The following NRXN3 variants were observed in gnomAD, a reference collection of about 807,000 sequenced individuals.
The protein encoded by NRXN3 is neurexin 3, also known as neurexin III.
A neutral mutation model predicts 137.6 loss-of-function variants in NRXN3; 32 were observed. The observed-to-expected ratio is 0.23, with a 90% CI of 0.18 to 0.31. The LOEUF (loss-of-function observed/expected upper bound fraction) is 0.31. Ranked by LOEUF, NRXN3 falls within the 10% of genes least tolerant of loss-of-function variation. The pLI is 1.00. For synonymous variants in NRXN3, 798 were observed against 784.5 expected, an observed-to-expected ratio of 1.02 and a Z score of -0.29; for missense variants, 1,574 against 2,062.5, an observed-to-expected ratio of 0.76 and a Z score of 4.59.
At chr14:79,794,482 A>G (rs75625799) in intron 19 of NRXN3, among the ~76,000 whole-genome samples, 2,796 of 152,230 alleles carry the variant, frequency 0.018, 45 homozygotes, top group Middle Eastern at 0.054. Flanking sequence ...GTTGATACAG[A>G]GACTTAAGAA....
intron 2 of NRXN3, among the ~76,000 whole-genome samples, chr14:78,252,149 G>A (rs965764236): frequency 6.6e-6 from 1 of 150,908 alleles, no homozygotes; most frequent in African/African-American, 2.4e-5. Flanking sequence ...ATTTTCCAAA[G>A]TTTTTTTCTT....
intron 17 of NRXN3, among the ~76,000 whole-genome samples, chr14:79,669,749 T>C (rs573867215): frequency 2.1e-4 from 32 of 152,144 alleles, no homozygotes; most frequent in Admixed American, 1.2e-3. Flanking sequence ...CAGCTTCCCC[T>C]GGGAGCTTGT....
chr14:79,251,141 G>A (rs908801193), intron 15 of NRXN3, among the ~76,000 whole-genome samples: 1 of 152,146 alleles, frequency 6.6e-6, no homozygotes. Flanking sequence ...TGTGAAATAA[G>A]TAGCCACTGA....
intron 16 of NRXN3, among the ~76,000 whole-genome samples, chr14:79,653,050 A>T (rs1201374262): frequency 6.6e-6 from 1 of 152,022 alleles, no homozygotes; most frequent in Admixed American, 6.6e-5. Context: ...CAGGACACAC[A>T]CACACACACC....
chr14:79,489,653 A>C (rs2096693541), intron 16 of NRXN3, among the ~76,000 whole-genome samples: 1 of 152,172 alleles, frequency 6.6e-6, no homozygotes, highest in African/African-American at 2.4e-5. Context: ...CACAAATGTG[A>C]ACATCTATGG....
chr14:78,227,662 G>A (rs2064855515), intron 1 of NRXN3, among the ~76,000 whole-genome samples: 1 of 152,192 alleles, frequency 6.6e-6, no homozygotes, highest in African/African-American at 2.4e-5. Context: ...AGTTAACACC[G>A]AAGCAGACGA....
intron 19 of NRXN3, among the ~76,000 whole-genome samples, chr14:79,754,523 T>C (rs1320472982): frequency 3.8e-4 from 16 of 42,138 alleles, no homozygotes; most frequent in African/African-American, 1.7e-3. Flanking sequence ...TATATATATA[T>C]ATATATATAT....
intron 16 of NRXN3, among the ~76,000 whole-genome samples, chr14:79,556,557 T>G (rs958191625): frequency 1.2e-4 from 19 of 152,056 alleles, no homozygotes; most frequent in African/African-American, 4.6e-4. Context: ...TGCCTGTTTG[T>G]TCTATTTATT....
intron 9 of NRXN3, among the ~76,000 whole-genome samples, chr14:78,804,264 G>A (rs1333692095): frequency 6.6e-6 from 1 of 152,154 alleles, no homozygotes; most frequent in Non-Finnish European, 1.5e-5. Flanking sequence ...AACTTTGTGG[G>A]TAGGGTGAGA....
intron 10 of NRXN3, among the ~76,000 whole-genome samples, chr14:78,941,163 C>T (rs979267674): frequency 2.6e-5 from 4 of 152,128 alleles, no homozygotes; most frequent in South Asian, 2.1e-4. Flanking sequence ...TCACTGGCCT[C>T]GTGGAGTTCA....
chr14:79,142,076 C>T (rs939201454), intron 15 of NRXN3, among the ~76,000 whole-genome samples: 1 of 152,032 alleles, frequency 6.6e-6, no homozygotes, highest in Non-Finnish European at 1.5e-5. Context: ...CGGAAAGCCC[C>T]CAAGTGAGGG....
chr14:78,403,944 C>A, intron 4 of NRXN3: 1 of 931,656 alleles, frequency 1.1e-6, no homozygotes, highest in Non-Finnish European at 1.3e-6. Flanking sequence ...GGGCTGTTCC[C>A]CATTTGCCTT....
chr14:79,500,007 AG>A (rs2096805681), intron 16 of NRXN3, among the ~76,000 whole-genome samples: 31 of 148,176 alleles, frequency 2.1e-4, no homozygotes, highest in Admixed American at 2.1e-3. Context: ...GGACGAATAA[AG>A]TAAATAAACT....
chr14:79,133,848 G>T (rs2057905011), intron 15 of NRXN3, among the ~76,000 whole-genome samples: 1 of 151,056 alleles, frequency 6.6e-6, no homozygotes, highest in Non-Finnish European at 1.5e-5. Context: ...AGAATGGCGT[G>T]AACCCAGGAG....
intron 4 of NRXN3, among the ~76,000 whole-genome samples, chr14:78,642,866 A>T (rs773761002): frequency 1.3e-5 from 2 of 152,204 alleles, no homozygotes; most frequent in Non-Finnish European, 2.9e-5. Context: ...TTGGGGGGCT[A>T]TTTCTGCTAA....
At chr14:78,687,476 A>T (rs1309261426) in intron 6 of NRXN3, among the ~76,000 whole-genome samples, 1 of 152,208 alleles carries the variant, frequency 6.6e-6, no homozygotes, top group Admixed American at 6.5e-5. Context: ...TTATTGATGA[A>T]TTGTACATTG....
Position 79,075,178 on chromosome 14 carries a change from C to T in NRXN3, c.3262+87037C>T, listed in dbSNP as rs185520216. Reference sequence around the variant, plus strand: ...TGCATTTGATTTTTGCTTCAGGATCCTTACCTATAAAGCATACCCATTTCA... The same window carrying T: ...TGCATTTGATTTTTGCTTCAGGATCTTTACCTATAAAGCATACCCATTTCA... On this transcript the variant is annotated intron_variant, in intron 15 of 20. Coordinates refer to ENST00000335750, the MANE Select transcript of NRXN3 (RefSeq NM_001330195.2). Among the ~76,000 whole-genome samples the T allele has an allele frequency of 8.0e-4, 122 of 152,182 alleles. 1 individual carries two copies. Among genetic ancestry groups the T allele is most frequent in the Non-Finnish European group, 6.9e-4 (47 of 67,994 alleles).
At chr14:78,936,051 C>A (rs985430585) in intron 10 of NRXN3, among the ~76,000 whole-genome samples, 3 of 152,150 alleles carry the variant, frequency 2.0e-5, no homozygotes, top group Non-Finnish European at 4.4e-5. Context: ...TTAAATTCAC[C>A]TTTCCCAAGA....
In NRXN3 at chr14:78,838,305, C is replaced by T. The variant is rs946999599; in HGVS notation, c.2275+27961C>T. ...TAAGATTAATTAAGTAGGCTAACAA[C>T]CTCACTTAAAAATATTACCTCGTTC... On this transcript the variant is annotated intron_variant, in intron 10 of 20. Coordinates refer to ENST00000335750, the MANE Select transcript of NRXN3 (RefSeq NM_001330195.2). 2.0e-5 allele frequency among the ~76,000 whole-genome samples: 3 copies of T among 152,114 alleles called. No individual in the cohort carries two copies. In the South Asian group the frequency reaches 6.2e-4, roughly 32 times the overall value.
Sources: gnomAD v4.1 joint callset for allele counts (sites outside exome capture counted in the v4.1 genomes callset) on GRCh38, gnomAD v4.1.1 for gene constraint, MANE v1.5 for transcripts, NCBI Gene and HGNC (gene_info 2026-07-23, HGNC 2026-07-21) for gene names.